The following ST3GAL3 variants were observed in gnomAD, a reference collection of about 807,000 sequenced individuals.
ST3GAL3 encodes CMP-N-acetylneuraminate-beta-1,4-galactoside alpha-2,3-sialyltransferase.
In ST3GAL3, 21 loss-of-function variants were observed where a neutral mutation model predicts 50.1. That is an observed-to-expected ratio of 0.42 (90% CI 0.30 to 0.60). The LOEUF (loss-of-function observed/expected upper bound fraction) is 0.60. Among genes scored for constraint, ST3GAL3 ranks in the 20% least tolerant of loss-of-function variants. The pLI is 0.19. For missense variants in ST3GAL3, 353 were observed against 489.4 expected (o/e 0.72, Z 2.63); for synonymous variants, 183 against 190.0 (o/e 0.96, Z 0.30).
intron 3 of ST3GAL3, among the ~76,000 whole-genome samples, chr1:43,792,958 T>TG (rs2058264646): frequency 6.6e-6 from 1 of 152,226 alleles, no homozygotes; most frequent in South Asian, 2.1e-4. Flanking sequence ...CCATGGGTAC[T>TG]GCCAGTGAAT....
chr1:43,722,499 T>C (rs1670959780), intron 1 of ST3GAL3, among the ~76,000 whole-genome samples: 1 of 152,164 alleles, frequency 6.6e-6, no homozygotes, highest in Admixed American at 6.5e-5. Context: ...TCCTATCACA[T>C]TGGCTGCTGT....
chr1:43,917,669 TTA>T (rs56284215), intron 9 of ST3GAL3, among the ~76,000 whole-genome samples: 54,666 of 90,748 alleles, frequency 0.6, 19,422 homozygotes, highest in Non-Finnish European at 0.78. Context: ...ATAATATATA[TTA>T]TATATATATA....
intron 4 of ST3GAL3, among the ~76,000 whole-genome samples, chr1:43,837,225 G>A (rs1173093196): frequency 6.6e-6 from 1 of 152,144 alleles, no homozygotes; most frequent in Non-Finnish European, 1.5e-5. Flanking sequence ...AAGCACAGAG[G>A]AGGCACTTAG....
chr1:43,858,326 A>G (rs2069027576), intron 5 of ST3GAL3: 1 of 1,255,956 alleles, frequency 8.0e-7, no homozygotes, highest in African/African-American at 1.5e-5. Flanking sequence ...TTCGGCAGCA[A>G]GACCAGACAC....
chr1:43,799,116 C>T (rs1393446662), intron 3 of ST3GAL3, among the ~76,000 whole-genome samples: 1 of 152,166 alleles, frequency 6.6e-6, no homozygotes, highest in East Asian at 1.9e-4. Context: ...TACGTTCATA[C>T]ATATACAGTA....
chr1:43,821,445 T>G (rs2062082837), intron 4 of ST3GAL3, among the ~76,000 whole-genome samples: 1 of 152,034 alleles, frequency 6.6e-6, no homozygotes, highest in East Asian at 1.9e-4. Flanking sequence ...GAAGGAACAT[T>G]CACCGAAGAG....
chr1:43,907,539 C>T (rs1025376601), intron 9 of ST3GAL3, among the ~76,000 whole-genome samples: 1 of 152,180 alleles, frequency 6.6e-6, no homozygotes, highest in African/African-American at 2.4e-5. Flanking sequence ...AAAGAAATTG[C>T]ATGTCCAGCT....
chr1:43,711,179 A>G (rs1043981694), intron 1 of ST3GAL3, among the ~76,000 whole-genome samples: 3 of 152,266 alleles, frequency 2.0e-5, no homozygotes, highest in Non-Finnish European at 4.4e-5. Flanking sequence ...GTGGCGTAAC[A>G]GAACAAAACT....
At chr1:43,778,130 A>T (rs1038781425) in intron 2 of ST3GAL3, among the ~76,000 whole-genome samples, 2 of 152,300 alleles carry the variant, frequency 1.3e-5, no homozygotes, top group Non-Finnish European at 2.9e-5. Context: ...CTCTGCAGGG[A>T]CATGGTTGGA....
intron 2 of ST3GAL3, chr1:43,771,783 A>T (rs1318792068): frequency 3.1e-5 from 12 of 384,534 alleles, no homozygotes; most frequent in Middle Eastern, 1.3e-3. Flanking sequence ...TAGTATCTGC[A>T]CTATCCAGAT....
chr1:43,844,962 C>T (rs1041889688), intron 5 of ST3GAL3, among the ~76,000 whole-genome samples: 6 of 152,142 alleles, frequency 3.9e-5, no homozygotes, highest in Non-Finnish European at 5.9e-5. Context: ...ATAGCCTGCA[C>T]ATCTTTGTAG....
chr1:43,894,036 C>T, intron 5 of ST3GAL3: 3 of 359,170 alleles, frequency 8.4e-6, no homozygotes, highest in Non-Finnish European at 1.6e-5. Context: ...TCCCAGATTG[C>T]AGGAACAGTG....
intron 3 of ST3GAL3, among the ~76,000 whole-genome samples, chr1:43,800,386 C>T (rs950833236): frequency 6.6e-6 from 1 of 152,198 alleles, no homozygotes; most frequent in African/African-American, 2.4e-5. Context: ...GCTATTTGCA[C>T]TTTGGCCAGA....
rs890400072 is a variant in ST3GAL3, at chr1:43,707,618, C to G, written c.-106C>G. ...GGGTCCCCCGCGGCTGTCGCCGCCG[C>G]CTACGCCGCTGCCTCCGCCTTCCTG... On this transcript the variant is annotated 5_prime_UTR_variant, in exon 1 of 12. Coordinates refer to ENST00000347631, the MANE Select transcript of ST3GAL3 (RefSeq NM_006279.5). 6.5e-6 allele frequency: 1 copy of G among 153,068 alleles called. No homozygotes were observed. The highest frequency in any genetic ancestry group is 1.4e-5 in the Non-Finnish European group (1 of 69,070). 9.5% of individuals were successfully genotyped at this position (153,068 alleles called of 1,614,324 possible).
intron 3 of ST3GAL3, among the ~76,000 whole-genome samples, chr1:43,802,959 G>A (rs549902001): frequency 3.9e-5 from 6 of 152,240 alleles, no homozygotes; most frequent in Non-Finnish European, 7.4e-5. Flanking sequence ...TTGAGACAGA[G>A]TCTCACTCTG....
At chr1:43,881,091 AC>A (rs2154255894) in intron 5 of ST3GAL3, among the ~76,000 whole-genome samples, 1 of 151,056 alleles carries the variant, frequency 6.6e-6, no homozygotes, top group East Asian at 2.0e-4. Context: ...GCTCACTGCA[AC>A]CTCCTCCTCC....
chr1:43,752,097 G>A (rs1572128791), intron 2 of ST3GAL3, among the ~76,000 whole-genome samples: 1 of 152,296 alleles, frequency 6.6e-6, no homozygotes, highest in East Asian at 1.9e-4. Flanking sequence ...GATTACAGGT[G>A]TGAGCCACTG....
chr1:43,761,138 G>C (rs545517828), intron 2 of ST3GAL3, among the ~76,000 whole-genome samples: 11 of 152,222 alleles, frequency 7.2e-5, no homozygotes, highest in Non-Finnish European at 1.3e-4. Flanking sequence ...AGCAGTGGAA[G>C]AATGTCCCTC....
intron 5 of ST3GAL3, among the ~76,000 whole-genome samples, chr1:43,877,198 G>A (rs906780809): frequency 6.6e-6 from 1 of 152,218 alleles, no homozygotes; most frequent in African/African-American, 2.4e-5. Flanking sequence ...GAAGAAGGCA[G>A]CTATAGTATT....
Sources: gnomAD v4.1 joint callset for allele counts (sites outside exome capture counted in the v4.1 genomes callset) on GRCh38, gnomAD v4.1.1 for gene constraint, MANE v1.5 for transcripts, NCBI Gene and HGNC (gene_info 2026-07-23, HGNC 2026-07-21) for gene names.